The following MCPH1 variants were observed in gnomAD, a reference collection of about 807,000 sequenced individuals.
MCPH1 encodes the protein microcephalin.
In MCPH1, 104 loss-of-function variants were observed where a neutral mutation model predicts 84.5. The observed-to-expected ratio is 1.23, with a 90% CI of 1.05 to 1.45. The LOEUF is 1.45. Among genes scored for constraint, MCPH1 ranks in the 40% most tolerant of loss-of-function variants. The pLI, the probability that MCPH1 is intolerant of heterozygous loss-of-function variation, is 0.00. For missense variants in MCPH1, 1,498 were observed against 1,005.7 expected, an observed-to-expected ratio of 1.49 and a Z score of -6.62; for synonymous variants, 514 against 366.8, an observed-to-expected ratio of 1.40 and a Z score of -4.58.
intron 9 of MCPH1, among the ~76,000 whole-genome samples, chr8:6,476,216 G>C (rs1401164937): frequency 2.0e-5 from 3 of 152,036 alleles, no homozygotes; most frequent in African/African-American, 4.8e-5. Context: ...ATCACCTGAG[G>C]TCAGGAGTTG....
chr8:6,439,045 G>C lies in MCPH1; in HGVS notation c.529G>C (p.Glu177Gln), dbSNP rs1160025910. The C allele has an allele frequency of 2.9e-5, 47 of 1,613,256 alleles. No individual in the cohort carries two copies. The highest frequency in any genetic ancestry group is 1.6e-4 in the Middle Eastern group (1 of 6,084). ...EINSRHHSAM[E>Q]KRLQEMKEKR... The stretch of plus-strand genomic sequence containing the variant: ...TAATAGTAGGCACCACAGCGCAATG[G>C]AGAAGAGATTACAAGAGATGAAGGA... Residue 177 changes from glutamate to glutamine, a missense_variant, in exon 6 of 14, where the codon GAG (glutamate) becomes CAG (glutamine). By Grantham distance (29) the Glu-to-Gln change is conservative. Transcript: ENST00000344683.
chr8:6,623,253 G>T (rs1001137874), intron 13 of MCPH1, among the ~76,000 whole-genome samples: 3 of 151,952 alleles, frequency 2.0e-5, no homozygotes, highest in Non-Finnish European at 4.4e-5. Flanking sequence ...CGAATTTTGG[G>T]CAGACACAAT....
At chr8:6,508,870 C>G (rs764112777) in intron 12 of MCPH1, 8 of 1,610,584 alleles carry the variant, frequency 5.0e-6, no homozygotes, top group Non-Finnish European at 5.9e-6. Flanking sequence ...AAATTGCCAG[C>G]CTTTCCCTCT....
At chr8:6,599,963 A>T (rs1191931278) in intron 12 of MCPH1, among the ~76,000 whole-genome samples, 5 of 152,262 alleles carry the variant, frequency 3.3e-5, no homozygotes, top group Non-Finnish European at 7.3e-5. Flanking sequence ...TGTATTAGAG[A>T]TTAACAAAGA....
intron 12 of MCPH1, among the ~76,000 whole-genome samples, chr8:6,561,957 G>A (rs1825606855): frequency 6.6e-6 from 1 of 152,134 alleles, no homozygotes; most frequent in Non-Finnish European, 1.5e-5. Flanking sequence ...CGTCCCACGT[G>A]GGGACGCATT....
intron 12 of MCPH1, among the ~76,000 whole-genome samples, chr8:6,572,713 T>A (rs1307490180): frequency 1.3e-5 from 2 of 152,220 alleles, no homozygotes; most frequent in Non-Finnish European, 2.9e-5. Context: ...AGGTCTGTAC[T>A]GTCTGTCTCC....
chr8:6,570,519 CA>C (rs1238114829), intron 12 of MCPH1, among the ~76,000 whole-genome samples: 1 of 152,180 alleles, frequency 6.6e-6, no homozygotes. Context: ...AGAGTAAGCG[CA>C]GGAGTTAAAG....
intron 3 of MCPH1, among the ~76,000 whole-genome samples, chr8:6,420,182 A>C (rs1799964824): frequency 6.6e-6 from 1 of 151,774 alleles, no homozygotes; most frequent in Non-Finnish European, 1.5e-5. Flanking sequence ...CCCAGAACTG[A>C]TGTTTTTCAG....
intron 9 of MCPH1, among the ~76,000 whole-genome samples, chr8:6,470,049 A>T (rs952605372): frequency 6.6e-6 from 1 of 152,194 alleles, no homozygotes; most frequent in Non-Finnish European, 1.5e-5. Flanking sequence ...TTCTCATCGA[A>T]TAACAATGTT....
At chr8:6,584,194 C>T (rs376741510) in intron 12 of MCPH1, among the ~76,000 whole-genome samples, 9 of 152,112 alleles carry the variant, frequency 5.9e-5, no homozygotes, top group East Asian at 3.8e-4. Context: ...AAAATCAATA[C>T]ACACTTTAAA....
At chr8:6,489,553 ATGG>A (rs1288309495) in intron 11 of MCPH1, among the ~76,000 whole-genome samples, 1 of 152,226 alleles carries the variant, frequency 6.6e-6, no homozygotes, top group Non-Finnish European at 1.5e-5. Flanking sequence ...TGAAGAGTCA[ATGG>A]TACATAAAGC....
chr8:6,419,846 T>A (rs746334817), intron 3 of MCPH1, among the ~76,000 whole-genome samples: 116 of 152,282 alleles, frequency 7.6e-4, no homozygotes, highest in Non-Finnish European at 1.3e-3. Context: ...TCTTCAGTTT[T>A]GTGTTTGCTT....
At chr8:6,416,544 T>C (rs528604612) in intron 3 of MCPH1, among the ~76,000 whole-genome samples, 2 of 152,348 alleles carry the variant, frequency 1.3e-5, no homozygotes, top group South Asian at 4.1e-4. Flanking sequence ...GATATGGTTG[T>C]CAGATGTTTT....
chr8:6,408,281 C>T (rs900886561), intron 1 of MCPH1, among the ~76,000 whole-genome samples: 10 of 151,042 alleles, frequency 6.6e-5, no homozygotes, highest in African/African-American at 1.5e-4. Context: ...CAGGCTGGAG[C>T]GCAGTGATGT....
intron 11 of MCPH1, among the ~76,000 whole-genome samples, chr8:6,493,324 A>C (rs1254607516): frequency 6.6e-6 from 1 of 152,206 alleles, no homozygotes; most frequent in Admixed American, 6.5e-5. Context: ...TGCAAGGAGA[A>C]TAAATTGAAC....
chr8:6,548,953 A>C (rs1027056997), intron 12 of MCPH1, among the ~76,000 whole-genome samples: 2 of 152,100 alleles, frequency 1.3e-5, no homozygotes, highest in African/African-American at 2.4e-5. Flanking sequence ...ACCTGGGGGG[A>C]ATTATGTTTA....
chr8:6,607,254 A>G (rs921853602), intron 12 of MCPH1, among the ~76,000 whole-genome samples: 1 of 152,206 alleles, frequency 6.6e-6, no homozygotes, highest in Admixed American at 6.5e-5. Flanking sequence ...ACAGAGAAGA[A>G]TCAGAACAAA....
At chr8:6,617,451 G>C (rs1298994961) in intron 12 of MCPH1, among the ~76,000 whole-genome samples, 6 of 151,940 alleles carry the variant, frequency 3.9e-5, no homozygotes, top group Admixed American at 3.9e-4. Flanking sequence ...TTTTTAGCTA[G>C]AAACTTCTGG....
chr8:6,516,243 T>C (rs1371657955), intron 12 of MCPH1, among the ~76,000 whole-genome samples: 2 of 152,246 alleles, frequency 1.3e-5, no homozygotes, highest in African/African-American at 2.4e-5. Flanking sequence ...TTTATTATCA[T>C]TGCTACACAC....
Sources: gnomAD v4.1 joint callset for allele counts (sites outside exome capture counted in the v4.1 genomes callset) on GRCh38, gnomAD v4.1.1 for gene constraint, MANE v1.5 for transcripts, NCBI Gene and HGNC (gene_info 2026-07-23, HGNC 2026-07-21) for gene names.